The following ZNF556 variants were observed in gnomAD, a reference collection of about 807,000 sequenced individuals.
The protein encoded by ZNF556 is zinc finger protein 556.
In ZNF556, 11 loss-of-function variants were observed where a neutral mutation model predicts 13.6. The observed-to-expected ratio is 0.81, with a 90% CI of 0.51 to 1.33. The LOEUF is 1.33. ZNF556 is among the 40% of genes most tolerant of loss of function. The pLI, the probability that ZNF556 is intolerant of heterozygous loss-of-function variation, is 0.00. For synonymous variants in ZNF556, 229 were observed against 207.8 expected, an observed-to-expected ratio of 1.10 and a Z score of -0.88; for missense variants, 633 against 566.2, an observed-to-expected ratio of 1.12 and a Z score of -1.20.
rs2087822130 is a variant in ZNF556 at position 2,873,479 on chromosome 19, T to C, written c.4-17T>C. On this transcript the variant is annotated splice_polypyrimidine_tract_variant and intron_variant, in intron 1 of 3. Transcript: ENST00000307635. ...GTTTTACCCCATCCTCATGTACACA[T>C]ATGTGGTTTGTTTTAGGACACAGTG... is the stretch of plus-strand genomic sequence containing the variant. The C allele has an allele frequency of 1.2e-6, 2 of 1,613,606 alleles. No individual in the cohort carries two copies. The highest frequency in any genetic ancestry group is 2.2e-5 in the East Asian group (1 of 44,866).
intron 2 of ZNF556, among the ~76,000 whole-genome samples, 170 bp from the exon 3 acceptor site, chr19:2,875,923 C>T (rs1267699596): frequency 6.6e-6 from 1 of 152,048 alleles, no homozygotes; most frequent in East Asian, 1.9e-4. Flanking sequence ...GAGATCGCGC[C>T]GCTGCACTCC....
intron 1 of ZNF556, among the ~76,000 whole-genome samples, chr19:2,870,458 A>T (rs11673005): frequency 1.4e-5 from 2 of 143,626 alleles, no homozygotes; most frequent in East Asian, 4.0e-4. Flanking sequence ...TCTCTAAAAA[A>T]TTTTCTGGCC....
chr19:2,871,022 G>A (rs1260112611), intron 1 of ZNF556, among the ~76,000 whole-genome samples: 1 of 148,816 alleles, frequency 6.7e-6, no homozygotes, highest in African/African-American at 2.5e-5. Context: ...CTAGGTGACA[G>A]AGCGAGACTC....
Position 2,880,318 on chromosome 19 carries a change from T to G in ZNF556, c.*1989T>G, listed in dbSNP as rs1050403897. 4.6e-5 allele frequency: 7 copies of G among 152,230 alleles called. No individual in the cohort carries two copies. The highest frequency in any genetic ancestry group is 1.4e-4 in the African/African-American group (6 of 41,470). The allele number at this position is 152,230 out of a possible 1,614,324, so 9.4% of individuals were successfully genotyped here. A position where few individuals can be genotyped will look rare whatever the true frequency, so the allele number is the denominator to read the frequency against. On this transcript the variant is annotated 3_prime_UTR_variant, in exon 4 of 4. Transcript: ENST00000307635. The stretch of plus-strand genomic sequence containing the variant: ...TGTTTGTGTTTTTAAAGAAGTTGGA[T>G]TCTATACAAATGGATAAAATGTTTC...
chr19:2,880,756 C>A lies in ZNF556; in HGVS notation c.*2427C>A, dbSNP rs546469994. 2 of 151,336 alleles carry A rather than the reference C, an allele frequency of 1.3e-5. No individual in the cohort carries two copies. Among genetic ancestry groups the A allele is most frequent in the African/African-American group, 4.9e-5 (2 of 41,212 alleles). 9.4% of individuals were successfully genotyped at this position (151,336 alleles called of 1,614,324 possible). A position where few individuals can be genotyped will look rare whatever the true frequency, so the allele number is the denominator to read the frequency against. ...CAGCCTGGGTGACAGAGCGAGACTCCGTCTCAAAAAAAAGAATTATACTTC... is the reference window on the plus strand; with the variant it reads ...CAGCCTGGGTGACAGAGCGAGACTCAGTCTCAAAAAAAAGAATTATACTTC... On this transcript the variant is annotated 3_prime_UTR_variant, in exon 4 of 4. Coordinates refer to ENST00000307635, the MANE Select transcript of ZNF556 (RefSeq NM_024967.3).
At position 2,877,583 on chromosome 19, in the gene ZNF556, G is replaced by C; in HGVS notation, c.625G>C (p.Gly209Arg). The C allele has an allele frequency of 6.2e-7, 1 of 1,614,130 alleles. No homozygotes were observed. The highest frequency in any genetic ancestry group is 8.5e-7 in the Non-Finnish European group (1 of 1,180,038). Residue 209 changes from glycine (G) to arginine (R), a missense_variant, in exon 4 of 4, where the codon GGG becomes CGG. Physicochemically the swap from Gly to Arg is moderately radical, Grantham distance 125. Transcript: ENST00000307635. The stretch of plus-strand genomic sequence containing the variant: ...GAAACCCTATGCCTGTCAATCTTGC[G>C]GGAAGACATTTCTTCGTTCCCACTC... ...GEKPYACQSC[G>R]KTFLRSHSLT... is the part of the protein sequence containing the mutation.
rs57053138 is a variant in ZNF556 at position 2,882,531 on chromosome 19, A to ATATAGTGTGTGTGTGTGT, written c.*4202_*4203insTATAGTGTGTGTGTGTGT. On this transcript the variant is annotated 3_prime_UTR_variant, in exon 4 of 4. Coordinates refer to ENST00000307635, the MANE Select transcript of ZNF556 (RefSeq NM_024967.3). ...ATACATTTTATATATATATATATAT[A>ATATAGTGTGTGTGTGTGT]GTGTGTGTGTGTGTGTGTGTGTGTG... 2.8e-4 allele frequency: 36 copies of ATATAGTGTGTGTGTGTGT among 127,716 alleles called. No homozygotes were observed. Among genetic ancestry groups the ATATAGTGTGTGTGTGTGT allele is most frequent in the African/African-American group, 8.8e-4 (29 of 32,982 alleles). 7.9% of individuals were successfully genotyped at this position (127,716 alleles called of 1,614,324 possible).
intron 1 of ZNF556, among the ~76,000 whole-genome samples, chr19:2,871,622 A>G (rs546208286): frequency 2.9e-4 from 44 of 152,152 alleles, no homozygotes; most frequent in Middle Eastern, 3.4e-3. Flanking sequence ...GACCAGCCTG[A>G]CCAACATGGT....
Position 2,867,385 on chromosome 19 carries a change from C to G in ZNF556, c.-37C>G. ...GCTCACCTGCACCGGCTGCGAGGAG[C>G]AGGGAGCTCCTCAAAGAGCTCAGGA... is the stretch of plus-strand genomic sequence containing the variant. On this transcript the variant is annotated 5_prime_UTR_variant, in exon 1 of 4. Transcript: ENST00000307635. 1 of 1,575,358 alleles carries G rather than the reference C, an allele frequency of 6.3e-7. No individual in the cohort carries two copies. The highest frequency in any genetic ancestry group is 1.2e-5 in the South Asian group (1 of 85,098).
intron 2 of ZNF556, among the ~76,000 whole-genome samples, chr19:2,874,130 G>A (rs980162458): frequency 2.0e-5 from 3 of 151,506 alleles, no homozygotes; most frequent in African/African-American, 7.3e-5. Flanking sequence ...GGTGGTGCGT[G>A]CCTGTAATCC....
Position 2,883,383 on chromosome 19 carries a change from G to A in ZNF556, c.*5054G>A, listed in dbSNP as rs962094909. ...TCGTTTCCATATGCTTAGACTTCCA[G>A]CAGCTATTAGAAGAGAAAAATATGT... On this transcript the variant is annotated 3_prime_UTR_variant, in exon 4 of 4. Transcript: ENST00000307635. 5 of 152,176 alleles carry A rather than the reference G, an allele frequency of 3.3e-5. No individual in the cohort carries two copies. The highest frequency in any genetic ancestry group is 1.2e-4 in the African/African-American group (5 of 41,528). 9.4% of individuals were successfully genotyped at this position (152,176 alleles called of 1,614,324 possible).
At position 2,877,244 on chromosome 19, in the gene ZNF556, A is replaced by G. The variant is rs188465317; in HGVS notation, c.315-29A>G. On this transcript the variant is annotated intron_variant, in intron 3 of 3. Coordinates refer to ENST00000307635, the MANE Select transcript of ZNF556 (RefSeq NM_024967.3). ...AAAAAAAGAAATTATTAAGGCATAAACCATTAATAATGTGCTACCCATTTT... is the reference window on the plus strand; with the variant it reads ...AAAAAAAGAAATTATTAAGGCATAAGCCATTAATAATGTGCTACCCATTTT... 11 of 1,536,024 alleles carry G rather than the reference A, an allele frequency of 7.2e-6. No homozygotes were observed. The Admixed American group carries it at 2.0e-4, about 28-fold the overall frequency.
intron 3 of ZNF556, among the ~76,000 whole-genome samples, chr19:2,876,732 T>A (rs570029970): frequency 9.5e-4 from 144 of 151,246 alleles, no homozygotes; most frequent in East Asian, 2.6e-3. Context: ...AAAAAAAAAA[T>A]GATAATTCTG....
At chr19:2,873,893 G>C (rs191169625) in intron 2 of ZNF556, among the ~76,000 whole-genome samples, 1 of 152,056 alleles carries the variant, frequency 6.6e-6, no homozygotes, top group East Asian at 1.9e-4. Context: ...GGAGTTCAAG[G>C]CTACAGTGAC....
chr19:2,867,444 C>G lies in ZNF556; in HGVS notation c.3+20C>G. The G allele has an allele frequency of 1.9e-6, 3 of 1,582,154 alleles. No individual in the cohort carries two copies. Among genetic ancestry groups the G allele is most frequent in the Non-Finnish European group, 1.7e-6 (2 of 1,165,442 alleles). ...GACATGGTGAGTGCAGGGCAGGAGC[C>G]GAGCCGGAGCCGGAGCCCTGGGAGG... On this transcript the variant is annotated intron_variant, in intron 1 of 3. Coordinates refer to ENST00000307635, the MANE Select transcript of ZNF556 (RefSeq NM_024967.3).
rs1014232486 is a variant in ZNF556 at position 2,878,964 on chromosome 19, TA to T, written c.*636del. The T allele has an allele frequency of 9.9e-5, 15 of 152,212 alleles. No individual in the cohort carries two copies. The highest frequency in any genetic ancestry group is 3.4e-4 in the African/African-American group (14 of 41,454). The allele number at this position is 152,212 out of a possible 1,614,324, so 9.4% of individuals were successfully genotyped here. A position where few individuals can be genotyped will look rare whatever the true frequency, so the allele number is the denominator to read the frequency against. On this transcript the variant is annotated 3_prime_UTR_variant, in exon 4 of 4. Transcript: ENST00000307635. ...TTTAATATGCATTAACTTTAATTTT[TA>T]TATATTTTTTTTGTTACTCCGTGTG...
chr19:2,867,712 C>CAAAA lies in ZNF556; in HGVS notation c.3+291_3+294dup, dbSNP rs377752421. 3.2e-4 allele frequency among the ~76,000 whole-genome samples: 27 copies of CAAAA among 85,560 alleles called. 1 individual carries two copies. Among genetic ancestry groups the CAAAA allele is most frequent in the Non-Finnish European group, 4.0e-4 (17 of 42,610 alleles). The allele number at this position is 85,560 out of a possible 152,430, so 56.1% of individuals were successfully genotyped here. A position where few individuals can be genotyped will look rare whatever the true frequency, so the allele number is the denominator to read the frequency against. On this transcript the variant is annotated intron_variant, in intron 1 of 3. Coordinates refer to ENST00000307635, the MANE Select transcript of ZNF556 (RefSeq NM_024967.3). ...TTGGAAGAAAAACTAACCCAAAGTA[C>CAAAA]AAAAAACAAAACAAAAAAAAAAAAA...
At position 2,881,774 on chromosome 19, in the gene ZNF556, G is replaced by T. The variant is rs2087906449; in HGVS notation, c.*3445G>T. 1 of 151,482 alleles carries T rather than the reference G, an allele frequency of 6.6e-6. No homozygotes were observed. Among genetic ancestry groups the T allele is most frequent in the Non-Finnish European group, 1.5e-5 (1 of 67,946 alleles). 9.4% of individuals were successfully genotyped at this position (151,482 alleles called of 1,614,324 possible). ...TTCTTTTTTTTTAATACTATTTCAA[G>T]AACTGCTCATGAGTTAGGAAATAGT... On this transcript the variant is annotated 3_prime_UTR_variant, in exon 4 of 4. Transcript: ENST00000307635.
intron 1 of ZNF556, among the ~76,000 whole-genome samples, chr19:2,871,016 G>A (rs1175593229): frequency 6.6e-6 from 1 of 150,938 alleles, no homozygotes; most frequent in South Asian, 2.1e-4. Context: ...TCCAGCCTAG[G>A]TGACAGAGCG....
Sources: allele counts gnomAD v4.1 joint callset (sites outside exome capture counted in the v4.1 genomes callset), GRCh38; gene constraint gnomAD v4.1.1; transcripts MANE v1.5; gene names NCBI Gene and HGNC (gene_info 2026-07-23, HGNC 2026-07-21).